PARG: variants seen among roughly 807,000 people sequenced by gnomAD.
PARG encodes poly(ADP-ribose) glycohydrolase.
PARG carries 35 observed loss-of-function variants against 113.0 expected under a neutral mutation model. That is an observed-to-expected ratio of 0.31 (90% CI 0.24 to 0.41). PARG has a LOEUF of 0.41. Among genes scored for constraint, PARG ranks in the 10% least tolerant of loss-of-function variants. The pLI, the probability that PARG is intolerant of heterozygous loss-of-function variation, is 1.00. For synonymous variants in PARG, 330 were observed against 409.9 expected, an observed-to-expected ratio of 0.81 and a Z score of 2.36; for missense variants, 797 against 1,169.4, an observed-to-expected ratio of 0.68 and a Z score of 4.64.
intron 7 of PARG, among the ~76,000 whole-genome samples, chr10:49,893,222 G>A (rs1168457635): frequency 2.0e-5 from 3 of 152,008 alleles, no homozygotes; most frequent in Non-Finnish European, 4.4e-5. Context: ...AGTTGCAACT[G>A]CTCCATATCG....
chr10:49,877,081 T>C (rs1554838546), intron 9 of PARG, among the ~76,000 whole-genome samples: 2 of 150,226 alleles, frequency 1.3e-5, no homozygotes, highest in African/African-American at 4.9e-5. Flanking sequence ...TTATCATCAA[T>C]ATTTTAATGT....
intron 16 of PARG, among the ~76,000 whole-genome samples, chr10:49,828,360 T>C (rs968970249): frequency 1.3e-5 from 2 of 152,162 alleles, no homozygotes; most frequent in Non-Finnish European, 2.9e-5. Context: ...AAAAGCCAAG[T>C]ATGAACTAGG....
chr10:49,869,275 C>T (rs1425850295), intron 10 of PARG, among the ~76,000 whole-genome samples: 10 of 152,136 alleles, frequency 6.6e-5, no homozygotes, highest in African/African-American at 1.7e-4. Context: ...ATGTAAACCC[C>T]GCCCCCCTAC....
At chr10:49,835,858 G>A (rs1170542606) in intron 15 of PARG, among the ~76,000 whole-genome samples, 3 of 152,040 alleles carry the variant, frequency 2.0e-5, no homozygotes, top group South Asian at 2.1e-4. Context: ...AAGCACAAAC[G>A]TGACGATGGT....
At position 49,820,151 on chromosome 10, in the gene PARG, T is replaced by C; in HGVS notation, c.2776+14A>G. On this transcript the variant is annotated intron_variant, in intron 17 of 17. Transcript: ENST00000616448. ...CCATCTAGATACCAAGTGTCAAGAG[T>C]ATCTCCTACTTACCAACAGTGAGTT... The C allele has an allele frequency of 6.6e-7, 1 of 1,525,160 alleles. No homozygotes were observed. Among genetic ancestry groups the C allele is most frequent in the Non-Finnish European group, 8.9e-7 (1 of 1,123,666 alleles). The allele number at this position is 1,525,160 out of a possible 1,614,324, so 94.5% of individuals were successfully genotyped here.
At chr10:49,845,252 T>C (rs1292368143) in intron 13 of PARG, among the ~76,000 whole-genome samples, 3 of 152,210 alleles carry the variant, frequency 2.0e-5, no homozygotes, top group African/African-American at 7.2e-5. Context: ...TGACCTACAA[T>C]TTCCATTCCT....
rs1341745124 is a variant in PARG, at chr10:49,939,319, C to A, written c.217+2190G>T. On this transcript the variant is annotated intron_variant, in intron 1 of 17. Coordinates refer to ENST00000616448, the MANE Select transcript of PARG (RefSeq NM_003631.5). The stretch of plus-strand genomic sequence containing the variant: ...TGCAACTAGTCTCCCTGTCTACAGC[C>A]TTGACTATCCAGTGTTCTACAAACT... 3.2e-4 allele frequency among the ~76,000 whole-genome samples: 48 copies of A among 152,288 alleles called. No homozygotes were observed. The South Asian group carries it at 7.0e-3, about 22-fold the overall frequency.
intron 7 of PARG, among the ~76,000 whole-genome samples, chr10:49,894,553 G>C (rs1224519988): frequency 3.3e-5 from 5 of 152,034 alleles, no homozygotes; most frequent in Non-Finnish European, 5.9e-5. Flanking sequence ...TCTATGTATA[G>C]TATGTGGGAA....
At chr10:49,838,431 C>CAAAA (rs782657099) in intron 15 of PARG, among the ~76,000 whole-genome samples, 15 of 40,298 alleles carry the variant, frequency 3.7e-4, no homozygotes, top group African/African-American at 1.2e-3. Context: ...AACTCCGTCT[C>CAAAA]AAAAAAAAAA....
intron 6 of PARG, among the ~76,000 whole-genome samples, chr10:49,919,073 G>A (rs1246748918): frequency 1.3e-5 from 2 of 151,894 alleles, no homozygotes; most frequent in Middle Eastern, 3.4e-3. Flanking sequence ...CCTGAGTAGC[G>A]GGCATTACAG....
At position 49,821,875 on chromosome 10, in the gene PARG, A is replaced by G. The variant is rs997821475; in HGVS notation, c.2648-1582T>C. Among the ~76,000 whole-genome samples, 24 of 152,310 alleles carry G rather than the reference A, an allele frequency of 1.6e-4. No homozygotes were observed. The South Asian group carries it at 3.7e-3, about 24-fold the overall frequency. ...AAGGGAAAGGAAGAAGAACAGGAAG[A>G]AAGAAAGAACCCAAGTAACTTACAA... On this transcript the variant is annotated intron_variant, in intron 16 of 17. Transcript: ENST00000616448.
chr10:49,844,012 G>A (rs1845376786), intron 13 of PARG, among the ~76,000 whole-genome samples: 1 of 152,070 alleles, frequency 6.6e-6, no homozygotes, highest in African/African-American at 2.4e-5. Context: ...AGGCTTGGTG[G>A]TGTGTGCCTT....
chr10:49,853,262 T>G (rs1440216641), intron 13 of PARG, among the ~76,000 whole-genome samples: 2 of 151,774 alleles, frequency 1.3e-5, no homozygotes, highest in Non-Finnish European at 2.9e-5. Context: ...GGTCTCAATC[T>G]CCTGACCTCA....
rs1318375976 is a variant in PARG, at chr10:49,887,173, T to C, written c.1738-1878A>G. Among the ~76,000 whole-genome samples the C allele has an allele frequency of 2.0e-5, 3 of 152,258 alleles. No individual in the cohort carries two copies. In the South Asian group the frequency reaches 6.2e-4, roughly 32 times the overall value. On this transcript the variant is annotated intron_variant, in intron 7 of 17. Coordinates refer to ENST00000616448, the MANE Select transcript of PARG (RefSeq NM_003631.5). ...CAAAAAATCTCTTCCTGCCTCAGCC[T>C]CCTGAGCAGCTAGGACTATACAGGC...
chr10:49,828,102 A>C (rs1407512718), intron 16 of PARG, among the ~76,000 whole-genome samples: 56 of 145,998 alleles, frequency 3.8e-4, no homozygotes, highest in African/African-American at 1.4e-3. Context: ...CAAAAAAAAA[A>C]AAAAAAAAAA....
chr10:49,941,283 T>C (rs1839043950), intron 1 of PARG, among the ~76,000 whole-genome samples: 1 of 152,120 alleles, frequency 6.6e-6, no homozygotes, highest in African/African-American at 2.4e-5. Context: ...CTCCTGCCAT[T>C]TTCCGCCCTG....
intron 16 of PARG, among the ~76,000 whole-genome samples, chr10:49,829,675 C>G (rs2579038): frequency 0.97 from 148,148 of 152,326 alleles, 72,192 homozygotes; most frequent in East Asian, 1. Flanking sequence ...AAAACAAAGA[C>G]TATCACCCAC....
intron 12 of PARG, among the ~76,000 whole-genome samples, chr10:49,859,985 A>G (rs1554835660): frequency 6.6e-6 from 1 of 152,146 alleles, no homozygotes; most frequent in African/African-American, 2.4e-5. Context: ...CAGCTTCTGA[A>G]TTATAACTTG....
At chr10:49,912,556 G>A (rs1217100500) in intron 7 of PARG, among the ~76,000 whole-genome samples, 3 of 151,964 alleles carry the variant, frequency 2.0e-5, no homozygotes, top group African/African-American at 4.8e-5. Flanking sequence ...CTAGCTACTC[G>A]GGAAGCTGAG....
Sources: gnomAD v4.1 joint callset for allele counts (sites outside exome capture counted in the v4.1 genomes callset) on GRCh38, gnomAD v4.1.1 for gene constraint, MANE v1.5 for transcripts, NCBI Gene and HGNC (gene_info 2026-07-23, HGNC 2026-07-21) for gene names.